The following GMDS variants were observed in gnomAD, a reference collection of about 807,000 sequenced individuals.
The protein encoded by GMDS is GDP-mannose 4,6-dehydratase.
A neutral mutation model predicts 49.9 loss-of-function variants in GMDS; 20 were observed. The ratio of observed to expected loss-of-function variants is 0.40; its 90% CI spans 0.28 to 0.58. The LOEUF (loss-of-function observed/expected upper bound fraction) is 0.58. GMDS is among the 20% of genes least tolerant of loss of function. The pLI, the probability that GMDS is intolerant of heterozygous loss-of-function variation, is 0.42. For synonymous variants in GMDS, 177 were observed against 178.6 expected (o/e 0.99, Z 0.07); for missense variants, 362 against 481.4 (o/e 0.75, Z 2.32).
chr6:1,804,707 G>A (rs1010796711), intron 7 of GMDS, among the ~76,000 whole-genome samples: 7 of 151,964 alleles, frequency 4.6e-5, no homozygotes, highest in Admixed American at 3.9e-4. Context: ...AACTCACTTC[G>A]AATCCTTATC....
chr6:1,651,397 T>C (rs1196358844), intron 9 of GMDS, among the ~76,000 whole-genome samples: 3 of 152,204 alleles, frequency 2.0e-5, no homozygotes, highest in Admixed American at 6.5e-5. Context: ...TCAACCTTCC[T>C]GGCAAAGAAC....
At chr6:2,202,518 A>C (rs1282229685) in intron 1 of GMDS, among the ~76,000 whole-genome samples, 1 of 151,816 alleles carries the variant, frequency 6.6e-6, no homozygotes, top group Non-Finnish European at 1.5e-5. Flanking sequence ...CTTATTTGAC[A>C]ACCTCTTAAT....
At chr6:1,999,109 G>C (rs993566855) in intron 4 of GMDS, among the ~76,000 whole-genome samples, 1 of 152,028 alleles carries the variant, frequency 6.6e-6, no homozygotes, top group Non-Finnish European at 1.5e-5. Flanking sequence ...ATATCATGAG[G>C]TCAGGAAATC....
At chr6:1,737,808 TACACACACAC>T (rs1422222152) in intron 8 of GMDS, among the ~76,000 whole-genome samples, 1 of 90,922 alleles carries the variant, frequency 1.1e-5, no homozygotes, top group Non-Finnish European at 2.1e-5. Context: ...TACACACACA[TACACACACAC>T]CACAAAGACA....
chr6:2,055,869 T>G (rs1430339632), intron 4 of GMDS, among the ~76,000 whole-genome samples: 2 of 152,124 alleles, frequency 1.3e-5, no homozygotes, highest in East Asian at 3.9e-4. Context: ...GAAGATTAAA[T>G]GCTTAGCACT....
intron 7 of GMDS, among the ~76,000 whole-genome samples, chr6:1,776,065 C>T (rs754651960): frequency 3.9e-5 from 6 of 152,256 alleles, no homozygotes; most frequent in South Asian, 4.1e-4. Flanking sequence ...TGGAATGACA[C>T]GGGCAGCCAG....
chr6:1,806,134 GA>G (rs1214050870), intron 7 of GMDS, among the ~76,000 whole-genome samples: 1 of 151,836 alleles, frequency 6.6e-6, no homozygotes. Flanking sequence ...ACAAAGGAAA[GA>G]AAAAAAGCTT....
At chr6:2,129,515 G>C (rs1195102000) in intron 1 of GMDS, among the ~76,000 whole-genome samples, 1 of 152,098 alleles carries the variant, frequency 6.6e-6, no homozygotes, top group African/African-American at 2.4e-5. Flanking sequence ...TCATGGTACT[G>C]GGCTAAAGAA....
At chr6:1,930,454 A>C in intron 6 of GMDS, 1 of 410,018 alleles carries the variant, frequency 2.4e-6, no homozygotes, top group Non-Finnish European at 4.3e-6. Context: ...TACTTTCAGA[A>C]CAAACGTTTT....
At chr6:1,753,658 G>A (rs1287681505) in intron 7 of GMDS, among the ~76,000 whole-genome samples, 1 of 152,120 alleles carries the variant, frequency 6.6e-6, no homozygotes, top group Non-Finnish European at 1.5e-5. Context: ...CTCAGCAAAT[G>A]CAAAAGCATG....
chr6:2,220,464 T>C (rs574584506), intron 1 of GMDS, among the ~76,000 whole-genome samples: 6 of 152,294 alleles, frequency 3.9e-5, no homozygotes, highest in East Asian at 1.9e-4. Flanking sequence ...TTAATGTGAA[T>C]AGATGTGAGA....
intron 9 of GMDS, among the ~76,000 whole-genome samples, chr6:1,689,731 G>A (rs891013780): frequency 6.6e-6 from 1 of 152,084 alleles, no homozygotes; most frequent in African/African-American, 2.4e-5. Context: ...GGTCACCTTG[G>A]CAAAGGATTA....
intron 1 of GMDS, among the ~76,000 whole-genome samples, chr6:2,143,014 A>T (rs1776381112): frequency 6.6e-6 from 1 of 152,042 alleles, no homozygotes; most frequent in African/African-American, 2.4e-5. Context: ...ATGCATCCTG[A>T]TCCCTCCAGC....
chr6:2,064,756 T>G (rs1197706880), intron 4 of GMDS, among the ~76,000 whole-genome samples: 3 of 152,130 alleles, frequency 2.0e-5, no homozygotes, highest in African/African-American at 7.2e-5. Flanking sequence ...GAAGCCCTTT[T>G]CAGAAAACCT....
chr6:1,987,813 C>G (rs980268070), intron 4 of GMDS, among the ~76,000 whole-genome samples: 1 of 152,126 alleles, frequency 6.6e-6, no homozygotes, highest in East Asian at 1.9e-4. Flanking sequence ...TTGCCATGTG[C>G]CAGGCACTAG....
At chr6:2,091,276 A>G (rs886857849) in intron 4 of GMDS, among the ~76,000 whole-genome samples, 1 of 152,178 alleles carries the variant, frequency 6.6e-6, no homozygotes, top group Admixed American at 6.5e-5. Flanking sequence ...ATGGATCAAA[A>G]CACATTAAAA....
At chr6:2,190,694 G>T (rs926614535) in intron 1 of GMDS, among the ~76,000 whole-genome samples, 3 of 152,178 alleles carry the variant, frequency 2.0e-5, no homozygotes, top group African/African-American at 7.2e-5. Flanking sequence ...GGAAACCAGT[G>T]GCACCATCCT....
intron 4 of GMDS, among the ~76,000 whole-genome samples, chr6:1,980,164 T>C (rs2127344768): frequency 1.3e-5 from 2 of 152,262 alleles, no homozygotes; most frequent in Middle Eastern, 3.4e-3. Flanking sequence ...CCAGCTAGTA[T>C]CATGACAGGA....
At chr6:2,151,120 G>A (rs1280556039) in intron 1 of GMDS, among the ~76,000 whole-genome samples, 3 of 151,970 alleles carry the variant, frequency 2.0e-5, no homozygotes, top group Non-Finnish European at 4.4e-5. Context: ...TAGCACAACA[G>A]GGAGACAATC....
Sources: allele counts gnomAD v4.1 joint callset (sites outside exome capture counted in the v4.1 genomes callset), GRCh38; gene constraint gnomAD v4.1.1; transcripts MANE v1.5; gene names NCBI Gene and HGNC (gene_info 2026-07-23, HGNC 2026-07-21).